The following TTC29 variants were observed in gnomAD, a reference collection of about 807,000 sequenced individuals.
TTC29 encodes tetratricopeptide repeat protein 29.
In TTC29, 49 loss-of-function variants were observed where a neutral mutation model predicts 58.1. The ratio of observed to expected loss-of-function variants is 0.84; its 90% CI spans 0.67 to 1.07. The LOEUF is 1.07. Among genes scored for constraint, TTC29 ranks in the 50% least tolerant of loss-of-function variants. TTC29 has a pLI of 0.00. For synonymous variants in TTC29, 209 were observed against 196.8 expected, an observed-to-expected ratio of 1.06 and a Z score of -0.52; for missense variants, 582 against 555.6, an observed-to-expected ratio of 1.05 and a Z score of -0.48.
intron 1 of TTC29, chr4:146,945,450 A>C (rs1207060171): frequency 6.6e-6 from 1 of 152,202 alleles, no homozygotes; most frequent in African/African-American, 2.4e-5. Flanking sequence ...GGACTAAAGG[A>C]CTTATCCTAT....
At chr4:146,899,409 A>G (rs937198977) in intron 6 of TTC29, among the ~76,000 whole-genome samples, 1 of 152,220 alleles carries the variant, frequency 6.6e-6, no homozygotes, top group African/African-American at 2.4e-5. Context: ...TCCTGTTTGC[A>G]TAATAAAAAC....
chr4:146,840,392 G>T (rs1490343756), intron 8 of TTC29, among the ~76,000 whole-genome samples: 1 of 152,066 alleles, frequency 6.6e-6, no homozygotes, highest in Non-Finnish European at 1.5e-5. Context: ...ATTATGCAAA[G>T]AACTCTTCCA....
At chr4:146,894,101 C>T (rs1444225907) in intron 6 of TTC29, among the ~76,000 whole-genome samples, 14 of 152,146 alleles carry the variant, frequency 9.2e-5, no homozygotes, top group Non-Finnish European at 1.8e-4. Context: ...ACTAGTTCAA[C>T]CATTGTGGAA....
At chr4:146,752,954 G>A (rs943335286) in intron 11 of TTC29, among the ~76,000 whole-genome samples, 2 of 152,144 alleles carry the variant, frequency 1.3e-5, no homozygotes, top group African/African-American at 4.8e-5. Flanking sequence ...AACCCTAGAA[G>A]AAAACCTAGG....
chr4:146,762,961 T>C (rs557089018), intron 11 of TTC29, among the ~76,000 whole-genome samples: 1 of 152,078 alleles, frequency 6.6e-6, no homozygotes, highest in Non-Finnish European at 1.5e-5. Context: ...GATTTAGGGC[T>C]TATAGTCAAT....
chr4:146,895,075 A>G (rs1249508671), intron 6 of TTC29, among the ~76,000 whole-genome samples: 3 of 152,114 alleles, frequency 2.0e-5, no homozygotes, highest in Non-Finnish European at 2.9e-5. Flanking sequence ...AACATATGGT[A>G]TTTGGTTTCC....
chr4:146,942,359 A>G (rs1268495896), intron 2 of TTC29, among the ~76,000 whole-genome samples: 1 of 152,258 alleles, frequency 6.6e-6, no homozygotes, highest in Non-Finnish European at 1.5e-5. Flanking sequence ...ACTAAACATT[A>G]GAAACATACT....
At chr4:146,724,912 T>C (rs1315255215) in intron 11 of TTC29, among the ~76,000 whole-genome samples, 4 of 152,172 alleles carry the variant, frequency 2.6e-5, no homozygotes, top group African/African-American at 4.8e-5. Context: ...ATACGACTTA[T>C]CTTAATTTTT....
chr4:146,728,895 G>A lies in TTC29; in HGVS notation c.1331-21344C>T, dbSNP rs200475979. 1.7e-4 allele frequency among the ~76,000 whole-genome samples: 14 copies of A among 84,368 alleles called. 1 individual carries two copies. Among genetic ancestry groups the A allele is most frequent in the South Asian group, 4.4e-4 (1 of 2,248 alleles). 55.3% of individuals were successfully genotyped at this position (84,368 alleles called of 152,430 possible). A position where few individuals can be genotyped will look rare whatever the true frequency, so the allele number is the denominator to read the frequency against. On this transcript the variant is annotated intron_variant, in intron 11 of 12. Coordinates refer to ENST00000325106, the MANE Select transcript of TTC29 (RefSeq NM_031956.4). ...TGTGTGTATATATATATGTGTGTATGTATATATATATGTACGTATCTGTCT... is the reference window on the plus strand; with the variant it reads ...TGTGTGTATATATATATGTGTGTATATATATATATATGTACGTATCTGTCT...
At chr4:146,714,550 A>G (rs1742777529) in intron 11 of TTC29, among the ~76,000 whole-genome samples, 1 of 151,950 alleles carries the variant, frequency 6.6e-6, no homozygotes, top group Admixed American at 6.6e-5. Context: ...CATAGATCCA[A>G]GAAGCTCAAC....
chr4:146,941,530 G>A (rs1736388933), intron 2 of TTC29, among the ~76,000 whole-genome samples: 1 of 152,160 alleles, frequency 6.6e-6, no homozygotes, highest in South Asian at 2.1e-4. Context: ...AACCTCAGAT[G>A]TTGATAAGAT....
chr4:146,851,555 G>A (rs901254410), intron 8 of TTC29, among the ~76,000 whole-genome samples: 1 of 152,142 alleles, frequency 6.6e-6, no homozygotes, highest in South Asian at 2.1e-4. Flanking sequence ...ACTTTCACAT[G>A]CTCTTTCCCT....
chr4:146,905,523 T>C (rs1054553302), intron 5 of TTC29, among the ~76,000 whole-genome samples: 6 of 151,900 alleles, frequency 3.9e-5, no homozygotes, highest in Admixed American at 3.3e-4. Context: ...AAAGGATTGT[T>C]TTCTAGAATA....
chr4:146,793,049 G>A (rs1260906150), intron 11 of TTC29, among the ~76,000 whole-genome samples: 1 of 152,142 alleles, frequency 6.6e-6, no homozygotes, highest in Non-Finnish European at 1.5e-5. Context: ...GCTTCTTATG[G>A]ATAAGCAAAT....
intron 5 of TTC29, among the ~76,000 whole-genome samples, chr4:146,906,681 A>G (rs137891803): frequency 5.9e-5 from 9 of 152,380 alleles, no homozygotes; most frequent in Non-Finnish European, 1.2e-4. Context: ...TTTTTGAAAA[A>G]AGGTGACACA....
intron 1 of TTC29, chr4:146,945,300 T>C (rs982559996): frequency 1.3e-5 from 2 of 152,210 alleles, no homozygotes; most frequent in African/African-American, 4.8e-5. Flanking sequence ...ATCTGAAATA[T>C]GTATATGTAT....
chr4:146,857,145 A>G (rs1729913294), intron 8 of TTC29, among the ~76,000 whole-genome samples: 1 of 152,194 alleles, frequency 6.6e-6, no homozygotes, highest in Non-Finnish European at 1.5e-5. Flanking sequence ...TTAAAATTAG[A>G]AAATATTATT....
At chr4:146,724,077 A>G (rs943070203) in intron 11 of TTC29, among the ~76,000 whole-genome samples, 1 of 152,244 alleles carries the variant, frequency 6.6e-6, no homozygotes, top group Non-Finnish European at 1.5e-5. Flanking sequence ...TTGCAGCAAC[A>G]TGGATGCAGC....
chr4:146,860,087 G>T (rs529900792), intron 8 of TTC29, among the ~76,000 whole-genome samples: 9 of 152,232 alleles, frequency 5.9e-5, no homozygotes, highest in Admixed American at 5.9e-4. Context: ...AATCTGCCAA[G>T]GTATTTGCAT....
Sources: allele counts gnomAD v4.1 joint callset (sites outside exome capture counted in the v4.1 genomes callset), GRCh38; gene constraint gnomAD v4.1.1; transcripts MANE v1.5; gene names NCBI Gene and HGNC (gene_info 2026-07-23, HGNC 2026-07-21).